ARHGAP27: variants seen among roughly 807,000 people sequenced by gnomAD.
The protein encoded by ARHGAP27 is Rho GTPase activating protein 27, also known as rho GTPase-activating protein 27.
In ARHGAP27, 53 loss-of-function variants were observed where a neutral mutation model predicts 102.0. That is an observed-to-expected ratio of 0.52 (90% CI 0.42 to 0.65). The LOEUF (loss-of-function observed/expected upper bound fraction) is 0.65, where lower values mean the gene tolerates loss of function less well. Among genes scored for constraint, ARHGAP27 ranks in the 30% least tolerant of loss-of-function variants. ARHGAP27 has a pLI of 0.00. For missense variants in ARHGAP27, 1,117 were observed against 1,256.2 expected (o/e 0.89, Z 1.68); for synonymous variants, 525 against 542.8 (o/e 0.97, Z 0.46).
At chr17:45,424,174 G>A (rs2049319489) in intron 4 of ARHGAP27, among the ~76,000 whole-genome samples, 1 of 152,244 alleles carries the variant, frequency 6.6e-6, no homozygotes, top group Non-Finnish European at 1.5e-5. Context: ...ACCCACAGCA[G>A]CCTCAGCTGG....
intron 12 of ARHGAP27, among the ~76,000 whole-genome samples, chr17:45,400,343 T>C (rs1483753428): frequency 6.6e-6 from 1 of 152,136 alleles, no homozygotes; most frequent in Non-Finnish European, 1.5e-5. Flanking sequence ...TGGGGCTGTC[T>C]CTTGAGGAAA....
chr17:45,416,213 T>C (rs2048436275), intron 4 of ARHGAP27, among the ~76,000 whole-genome samples: 1 of 151,518 alleles, frequency 6.6e-6, no homozygotes, highest in Non-Finnish European at 1.5e-5. Flanking sequence ...GCCCAGCTAA[T>C]TTTTTTGTAT....
intron 3 of ARHGAP27, 132 bp downstream of exon 3, chr17:45,431,489 G>T: frequency 4.5e-6 from 1 of 220,748 alleles, no homozygotes; most frequent in Non-Finnish European, 9.3e-6. Context: ...ACGAGGAAAG[G>T]GTGTAAACTG....
At chr17:45,410,339 A>G (rs2047766397) in intron 4 of ARHGAP27, 10 of 1,458,192 alleles carry the variant, frequency 6.9e-6, no homozygotes, top group Non-Finnish European at 8.1e-6. Context: ...TTTTGGGGGT[A>G]GAGCCCAGGG....
chr17:45,410,076 C>A lies in ARHGAP27; in HGVS notation c.658-3993G>T, dbSNP rs986899586. 18 of 982,984 alleles carry A rather than the reference C, an allele frequency of 1.8e-5. No homozygotes were observed. In the African/African-American group the frequency reaches 2.9e-4, roughly 16 times the overall value. 60.9% of individuals were successfully genotyped at this position (982,984 alleles called of 1,614,324 possible). A position where few individuals can be genotyped will look rare whatever the true frequency, so the allele number is the denominator to read the frequency against. On this transcript the variant is annotated intron_variant, in intron 4 of 19. Transcript: ENST00000685559. ...GCCACTCTTGCCCCAAGCTGACCAC[C>A]TCTTGGATGGGCAGGGCCTCCGAGA...
intron 4 of ARHGAP27, chr17:45,408,565 T>G (rs945153073): frequency 2.0e-5 from 3 of 152,130 alleles, no homozygotes; most frequent in Non-Finnish European, 4.4e-5. Context: ...ACCCCACTTG[T>G]CCTTTCTCTA....
At chr17:45,398,273 A>G (rs555468911) in intron 12 of ARHGAP27, among the ~76,000 whole-genome samples, 6 of 152,354 alleles carry the variant, frequency 3.9e-5, no homozygotes, top group African/African-American at 1.4e-4. Flanking sequence ...ACTGAGGCTC[A>G]GCAAGTTTTA....
chr17:45,399,547 G>A (rs1018885891), intron 12 of ARHGAP27, among the ~76,000 whole-genome samples: 1 of 138,934 alleles, frequency 7.2e-6, no homozygotes, highest in African/African-American at 2.9e-5. Context: ...AGCCGAGATC[G>A]CACCACTGCA....
chr17:45,398,571 T>C (rs2046022954), intron 12 of ARHGAP27, among the ~76,000 whole-genome samples: 1 of 151,806 alleles, frequency 6.6e-6, no homozygotes, highest in African/African-American at 2.4e-5. Flanking sequence ...CCGTCTCTAC[T>C]AAAAATACAA....
At position 45,406,050 on chromosome 17, in the gene ARHGAP27, T is replaced by C. The variant is rs2047127714; in HGVS notation, c.691A>G (p.Ile231Val). The C allele has an allele frequency of 6.5e-7, 1 of 1,531,230 alleles. No homozygotes were observed. The highest frequency in any genetic ancestry group is 1.2e-5 in the South Asian group (1 of 83,864). 94.9% of individuals were successfully genotyped at this position (1,531,230 alleles called of 1,614,324 possible). The change falls in exon 5 of 20, where the codon ATA becomes GTA. Residue 231 changes from isoleucine to valine, a missense_variant. Physicochemically the swap from Ile to Val is conservative, Grantham distance 29. Around this residue, in one of 3 missense-constraint regions of ARHGAP27, gnomAD observed 610 missense variants for 716.4 expected, o/e 0.85. Coordinates refer to ENST00000685559, the MANE Select transcript of ARHGAP27 (RefSeq NM_001282290.2). ...DDPPEPVYAN[I>V]ERQPRATSPG... is the part of the protein sequence containing the mutation. Reference sequence around the variant, plus strand: ...GAAGTGGCCCGGGGCTGCCTCTCTATGTTCGCGTACACGGGCTCCGGTGGG... The same window carrying C: ...GAAGTGGCCCGGGGCTGCCTCTCTACGTTCGCGTACACGGGCTCCGGTGGG...
chr17:45,396,824 G>A, intron 14 of ARHGAP27, 34 bp from the exon 15 acceptor site: 3 of 1,607,500 alleles, frequency 1.9e-6, no homozygotes, highest in African/African-American at 1.3e-5. Flanking sequence ...GAGTCAGGAG[G>A]CAGCGCCAGG....
chr17:45,397,630 A>G, intron 13 of ARHGAP27: 1 of 331,656 alleles, frequency 3.0e-6, no homozygotes, highest in Non-Finnish European at 5.4e-6. Context: ...TTAAAATTTT[A>G]TCTGCTAGTT....
intron 11 of ARHGAP27, 68 bp downstream of exon 11, chr17:45,403,550 CA>C (rs1000727387): frequency 7.4e-5 from 99 of 1,339,190 alleles, no homozygotes; most frequent in South Asian, 1.6e-4. Context: ...GACTCCGTCT[CA>C]AAAAAAATAA....
rs1322516845 is a variant in ARHGAP27, at chr17:45,429,733, C to T, written c.547G>A (p.Val183Met). The T allele has an allele frequency of 5.8e-6, 9 of 1,541,378 alleles. No individual in the cohort carries two copies. Among genetic ancestry groups the T allele is most frequent in the Non-Finnish European group, 7.9e-6 (9 of 1,143,654 alleles). The change falls in exon 4 of 20, where the codon GTG becomes ATG. Residue 183 changes from valine to methionine, a missense_variant. Physicochemically the swap from Val to Met is conservative, Grantham distance 21. Coordinates refer to ENST00000685559, the MANE Select transcript of ARHGAP27 (RefSeq NM_001282290.2). ...GSSGSFKACS[V>M]AGSWVCPRPL... ...CGCGGGCACACCCAGGAGCCCGCCA[C>T]GCTGCAGGCCTTGAAGCTGCCGCTG...
At chr17:45,420,527 TA>T (rs548606565) in intron 4 of ARHGAP27, among the ~76,000 whole-genome samples, 32 of 151,116 alleles carry the variant, frequency 2.1e-4, no homozygotes, top group South Asian at 2.1e-3. Flanking sequence ...TGCTTTGATT[TA>T]AAAAAAAACC....
At chr17:45,416,060 T>G (rs2048420302) in intron 4 of ARHGAP27, among the ~76,000 whole-genome samples, 2 of 152,162 alleles carry the variant, frequency 1.3e-5, no homozygotes, top group Non-Finnish European at 2.9e-5. Context: ...TTTTTTGTTT[T>G]TTTGAGACGG....
At chr17:45,410,619 AC>A (rs1417804665) in intron 4 of ARHGAP27, among the ~76,000 whole-genome samples, 1 of 152,088 alleles carries the variant, frequency 6.6e-6, no homozygotes, top group Non-Finnish European at 1.5e-5. Context: ...TCACGGCCAG[AC>A]CCAGCCACAG....
At chr17:45,421,522 C>A (rs755723098) in intron 4 of ARHGAP27, among the ~76,000 whole-genome samples, 1 of 151,922 alleles carries the variant, frequency 6.6e-6, no homozygotes, top group Non-Finnish European at 1.5e-5. Context: ...AATCAAGCAA[C>A]AAATAGATGT....
intron 10 of ARHGAP27, 74 bp from the exon 11 acceptor site, chr17:45,403,783 G>A: frequency 2.3e-6 from 3 of 1,312,426 alleles, no homozygotes; most frequent in East Asian, 4.8e-5. Flanking sequence ...CCTACCCCAG[G>A]AACAAGTCAG....
Sources: gnomAD v4.1 joint callset for allele counts (sites outside exome capture counted in the v4.1 genomes callset) on GRCh38, gnomAD v4.1.1 for gene constraint, gnomAD v4.1.1 regional missense constraint, MANE v1.5 for transcripts, NCBI Gene and HGNC (gene_info 2026-07-23, HGNC 2026-07-21) for gene names.